Variants in UBTD2 observed in about 807,000 individuals in gnomAD.
UBTD2 encodes ubiquitin domain-containing protein 2.
Under a neutral mutation model 19.8 loss-of-function variants are expected in UBTD2, and 9 were observed. That is an observed-to-expected ratio of 0.46 (90% CI 0.27 to 0.79). UBTD2 has a LOEUF of 0.79. Ranked by LOEUF, UBTD2 falls within the 30% of genes least tolerant of loss-of-function variation. UBTD2 has a pLI of 0.14. For missense variants in UBTD2, 250 were observed against 300.4 expected (o/e 0.83, Z 1.24); for synonymous variants, 98 against 103.9 (o/e 0.94, Z 0.35).
At chr5:172,227,698 T>A (rs1771799434) in intron 2 of UBTD2, among the ~76,000 whole-genome samples, 2 of 99,528 alleles carry the variant, frequency 2.0e-5, no homozygotes, top group African/African-American at 8.0e-5. Flanking sequence ...AAAAATTCTT[T>A]TTTTTTTTTT....
intron 2 of UBTD2, among the ~76,000 whole-genome samples, chr5:172,224,535 C>T (rs1771723147): frequency 1.3e-5 from 2 of 152,138 alleles, no homozygotes; most frequent in Admixed American, 1.3e-4. Context: ...AAGTGACCTG[C>T]CTGTCTCTGC....
intron 2 of UBTD2, among the ~76,000 whole-genome samples, chr5:172,220,278 A>G (rs1041871720): frequency 3.3e-5 from 5 of 152,178 alleles, no homozygotes; most frequent in African/African-American, 1.2e-4. Flanking sequence ...ACAAAACCCA[A>G]CACTGATTAT....
chr5:172,247,095 A>G (rs756875371), intron 1 of UBTD2, among the ~76,000 whole-genome samples: 69 of 152,068 alleles, frequency 4.5e-4, no homozygotes, highest in Admixed American at 1.1e-3. Flanking sequence ...GCTATCTACA[A>G]GAAATCCCTG....
intron 1 of UBTD2, among the ~76,000 whole-genome samples, chr5:172,263,989 C>G (rs1475391155): frequency 6.6e-6 from 1 of 151,884 alleles, no homozygotes; most frequent in Non-Finnish European, 1.5e-5. Flanking sequence ...CACCTAGGCT[C>G]TAATTTTTAT....
chr5:172,272,386 A>C (rs1755507592), intron 1 of UBTD2, among the ~76,000 whole-genome samples: 1 of 152,210 alleles, frequency 6.6e-6, no homozygotes, highest in Non-Finnish European at 1.5e-5. Context: ...GCAGCCTAGT[A>C]CTGCCAGAAA....
chr5:172,209,839 ACT>A lies in UBTD2; in HGVS notation c.*1989_*1990del, dbSNP rs1311541755. On this transcript the variant is annotated 3_prime_UTR_variant, in exon 3 of 3. Transcript: ENST00000393792. ...CATATGTTCCTTTAAAATAAAATAA[ACT>A]CTTAAAAAGAGAGCTCAAATCCTCA... 1.3e-5 allele frequency: 2 copies of A among 152,600 alleles called. No homozygotes were observed. Among genetic ancestry groups the A allele is most frequent in the African/African-American group, 4.8e-5 (2 of 41,440 alleles). 9.5% of individuals were successfully genotyped at this position (152,600 alleles called of 1,614,324 possible).
chr5:172,228,731 A>C (rs1051110710), intron 2 of UBTD2, among the ~76,000 whole-genome samples: 14 of 152,052 alleles, frequency 9.2e-5, no homozygotes, highest in South Asian at 2.1e-4. Context: ...CAAAAAAAAA[A>C]CATAAAATAA....
intron 1 of UBTD2, among the ~76,000 whole-genome samples, chr5:172,261,286 C>T (rs1755265467): frequency 6.6e-6 from 1 of 152,180 alleles, no homozygotes; most frequent in African/African-American, 2.4e-5. Context: ...GGGACAAGCA[C>T]CACTTTATAA....
chr5:172,216,591 C>CAAAAAAAAAAA (rs57657254), intron 2 of UBTD2, among the ~76,000 whole-genome samples: 2 of 36,928 alleles, frequency 5.4e-5, no homozygotes, highest in East Asian at 6.5e-4. Flanking sequence ...CATCTCTACC[C>CAAAAAAAAAAA]AAAAAAAAAA....
chr5:172,257,401 G>A (rs968478203), intron 1 of UBTD2, among the ~76,000 whole-genome samples: 5 of 152,096 alleles, frequency 3.3e-5, no homozygotes, highest in African/African-American at 7.2e-5. Context: ...GGACATCTAC[G>A]TCGATTCCAT....
intron 2 of UBTD2, 61 bp from the exon 3 acceptor site, chr5:172,212,288 C>G (rs1455753260): frequency 6.6e-7 from 1 of 1,510,700 alleles, no homozygotes; most frequent in Non-Finnish European, 8.9e-7. Flanking sequence ...TTTGTTTATG[C>G]CTCACAAAAT....
intron 2 of UBTD2, among the ~76,000 whole-genome samples, chr5:172,231,869 T>C (rs776979603): frequency 3.3e-5 from 5 of 152,266 alleles, no homozygotes; most frequent in Non-Finnish European, 5.9e-5. Flanking sequence ...AGACGATAAT[T>C]ACAAAACTGA....
At chr5:172,226,696 T>G (rs747652453) in intron 2 of UBTD2, among the ~76,000 whole-genome samples, 34 of 152,202 alleles carry the variant, frequency 2.2e-4, no homozygotes, top group Non-Finnish European at 4.0e-4. Flanking sequence ...ATCCAGATAT[T>G]AGGTGCAGTT....
chr5:172,216,893 G>A (rs900451677), intron 2 of UBTD2, among the ~76,000 whole-genome samples: 9 of 152,070 alleles, frequency 5.9e-5, no homozygotes, highest in Admixed American at 2.0e-4. Flanking sequence ...TTGAGCCCGG[G>A]AGGTCAAGGG....
At chr5:172,278,329 C>A (rs1755647242) in intron 1 of UBTD2, among the ~76,000 whole-genome samples, 1 of 151,922 alleles carries the variant, frequency 6.6e-6, no homozygotes, top group African/African-American at 2.4e-5. Flanking sequence ...ACCAGCCTGG[C>A]CAACATGGTG....
chr5:172,234,684 A>C (rs896200000), intron 1 of UBTD2, among the ~76,000 whole-genome samples: 6 of 152,298 alleles, frequency 3.9e-5, no homozygotes, highest in African/African-American at 1.4e-4. Flanking sequence ...AGGTGGAAGG[A>C]AGGCTTGAAT....
chr5:172,256,000 A>G (rs575023441), intron 1 of UBTD2, among the ~76,000 whole-genome samples: 104 of 152,132 alleles, frequency 6.8e-4, no homozygotes, highest in Non-Finnish European at 2.1e-4. Flanking sequence ...GAGGCAGGAG[A>G]ATCGCTTGAA....
At chr5:172,242,905 G>A (rs886125589) in intron 1 of UBTD2, among the ~76,000 whole-genome samples, 4 of 152,110 alleles carry the variant, frequency 2.6e-5, no homozygotes, top group Non-Finnish European at 5.9e-5. Context: ...TTTAGTAGTA[G>A]TAAGGATTCA....
intron 1 of UBTD2, among the ~76,000 whole-genome samples, chr5:172,278,919 C>T (rs1429927200): frequency 6.6e-6 from 1 of 152,102 alleles, no homozygotes; most frequent in Non-Finnish European, 1.5e-5. Flanking sequence ...GGATTACAGG[C>T]ACTCGCCACC....
Sources: allele counts gnomAD v4.1 joint callset (sites outside exome capture counted in the v4.1 genomes callset), GRCh38; gene constraint gnomAD v4.1.1; transcripts MANE v1.5; gene names NCBI Gene and HGNC (gene_info 2026-07-23, HGNC 2026-07-21).